BNIPL: variants seen among roughly 807,000 people sequenced by gnomAD.
The protein encoded by BNIPL is BCL2 interacting protein like, also known as bcl-2/adenovirus E1B 19 kDa-interacting protein 2-like protein.
In BNIPL, 33 loss-of-function variants were observed where a neutral mutation model predicts 47.0. The ratio of observed to expected loss-of-function variants is 0.70; its 90% CI spans 0.53 to 0.94. The LOEUF (loss-of-function observed/expected upper bound fraction) is 0.94, where lower values mean the gene tolerates loss of function less well. BNIPL is among the 40% of genes least tolerant of loss of function. The probability of loss-of-function intolerance (pLI) is 0.00; values close to 1 mark genes in which losing one functional copy is unlikely to be tolerated. For missense variants in BNIPL, 404 were observed against 445.2 expected, an observed-to-expected ratio of 0.91 and a Z score of 0.83; for synonymous variants, 145 against 162.7, an observed-to-expected ratio of 0.89 and a Z score of 0.83.
rs756524649 is a variant in BNIPL at position 151,038,958 on chromosome 1, A to C, written c.365A>C (p.Glu122Ala). Residue 122 changes from glutamate (E) to alanine (A), a missense_variant, in exon 4 of 10, where the codon GAG becomes GCG. By Grantham distance (107) the Glu-to-Ala change is moderately radical. Transcript: ENST00000368931. ...PSSPDGSSDLEIDELETPSDS... is the reference protein window; with the variant it reads ...PSSPDGSSDLAIDELETPSDS... ...TCTCCTGATGGCAGTTCTGACCTGG[A>C]GATAGACGAATTGGAGACACCTTCA... 7.4e-6 allele frequency: 12 copies of C among 1,612,822 alleles called. No individual in the cohort carries two copies. The East Asian group carries it at 2.7e-4, about 36-fold the overall frequency.
At chr1:151,045,266 CAAAAAAA>C (rs35529687) in intron 7 of BNIPL, among the ~76,000 whole-genome samples, 9,006 of 52,742 alleles carry the variant, frequency 0.17, 486 homozygotes, top group African/African-American at 0.3. Context: ...GATTCCATCT[CAAAAAAA>C]AAAAAAAAAA....
At chr1:151,042,834 A>AT in intron 4 of BNIPL, 122 bp from the exon 5 acceptor site, 1 of 861,874 alleles carries the variant, frequency 1.2e-6, no homozygotes, top group Non-Finnish European at 1.7e-6. Flanking sequence ...AAAAAAAAAA[A>AT]GAATCAAGGA....
In BNIPL at chr1:151,038,923, T is replaced by C; in HGVS notation, c.330T>C (p.Ser110=). 6.2e-7 allele frequency: 1 copy of C among 1,614,044 alleles called. No individual in the cohort carries two copies. The highest frequency in any genetic ancestry group is 8.5e-7 in the Non-Finnish European group (1 of 1,179,970). The part of the protein sequence containing the change: ...PGNDGASPTQ[S]APSSPDGSSD... ...ATGATGGAGCTTCACCCACCCAGTC[T>C]GCACCTTCCTCTCCTGATGGCAGTT... Residue 110 remains serine (S), a synonymous_variant, in exon 4 of 10, where the codon TCT becomes TCC. Coordinates refer to ENST00000368931, the MANE Select transcript of BNIPL (RefSeq NM_138278.4).
rs762160859 is a variant in BNIPL at position 151,045,867 on chromosome 1, C to T, written c.922C>T (p.Leu308Phe). ...GTATGTGAAAGCATTTCTGGCACTG[C>T]TTCGGCCCTTCATCAGGTACTAGTT... ...TWYVKAFLAL[L>F]RPFISSKFTR... The change falls in exon 8 of 10, where the codon CTT (leucine) becomes TTT (phenylalanine). Residue 308 changes from leucine (L) to phenylalanine (F), a missense_variant. Leu to Phe is a conservative substitution (Grantham distance 22). Coordinates refer to ENST00000368931, the MANE Select transcript of BNIPL (RefSeq NM_138278.4). 2.5e-6 allele frequency: 4 copies of T among 1,614,200 alleles called. No individual in the cohort carries two copies. The highest frequency in any genetic ancestry group is 3.4e-6 in the Non-Finnish European group (4 of 1,180,034).
chr1:151,045,602 G>A, intron 7 of BNIPL, 195 bp from the exon 8 acceptor site: 2 of 571,458 alleles, frequency 3.5e-6, no homozygotes, highest in South Asian at 6.9e-5. Flanking sequence ...TTTTAAAAAT[G>A]AGGATCATGG....
In BNIPL at chr1:151,041,838, G is replaced by A. The variant is rs587752290; in HGVS notation, c.434-1118G>A. On this transcript the variant is annotated intron_variant, in intron 4 of 9. Transcript: ENST00000368931. ...AAAATACAAAAAATTCGCCACACAT[G>A]GGGGCGTGCACCTGTAGTACCAGCT... Among the ~76,000 whole-genome samples the A allele has an allele frequency of 2.8e-3, 426 of 152,054 alleles. 1 individual carries two copies. The highest frequency in any genetic ancestry group is 4.3e-3 in the Admixed American group (65 of 15,276).
intron 2 of BNIPL, among the ~76,000 whole-genome samples, chr1:151,037,918 T>G (rs1675677479): frequency 6.9e-6 from 1 of 144,412 alleles, no homozygotes; most frequent in Admixed American, 7.1e-5. Context: ...GAGAATCACT[T>G]GAACCTGGGA....
At chr1:151,045,583 T>C (rs762014156) in intron 7 of BNIPL, 1 of 667,094 alleles carries the variant, frequency 1.5e-6, no homozygotes, top group Non-Finnish European at 2.2e-6. Flanking sequence ...AAAAAAATCT[T>C]GAGAGTTTTT....
At position 151,046,786 on chromosome 1, in the gene BNIPL, C is replaced by A; in HGVS notation, c.*99C>A. Reference sequence around the variant, plus strand: ...GTTTTGTAAATCATCTTATCCCCAACCTCAGTACCACCGGATCTTCACTTC... The same window carrying A: ...GTTTTGTAAATCATCTTATCCCCAAACTCAGTACCACCGGATCTTCACTTC... On this transcript the variant is annotated 3_prime_UTR_variant, in exon 10 of 10. Coordinates refer to ENST00000368931, the MANE Select transcript of BNIPL (RefSeq NM_138278.4). 1.1e-6 allele frequency: 1 copy of A among 946,372 alleles called. No individual in the cohort carries two copies. The highest frequency in any genetic ancestry group is 1.6e-6 in the Non-Finnish European group (1 of 632,446). The allele number at this position is 946,372 out of a possible 1,614,324, so 58.6% of individuals were successfully genotyped here.
chr1:151,046,459 G>A (rs959541137), intron 9 of BNIPL, among the ~76,000 whole-genome samples, 192 bp from the exon 10 acceptor site: 2 of 149,286 alleles, frequency 1.3e-5, no homozygotes, highest in African/African-American at 5.2e-5. Context: ...TAGAAATTAG[G>A]AAGAGATGTG....
chr1:151,037,770 G>T (rs1246438339), intron 2 of BNIPL, 108 bp downstream of exon 2: 11 of 893,972 alleles, frequency 1.2e-5, no homozygotes, highest in Admixed American at 2.2e-5. Flanking sequence ...GGTGGCCGAG[G>T]CGGGTGGATC....
Position 151,047,601 on chromosome 1 carries a change from A to G in BNIPL, c.*914A>G, listed in dbSNP as rs968168525. 1.8e-6 allele frequency: 1 copy of G among 557,640 alleles called. No homozygotes were observed. Among genetic ancestry groups the G allele is most frequent in the African/African-American group, 1.9e-5 (1 of 51,822 alleles). The allele number at this position is 557,640 out of a possible 1,614,324, so 34.5% of individuals were successfully genotyped here. ...GAGACATTTAAGCTCTGCTCCAAAG[A>G]AGTGAACGACTCTTTCACCACCCCT... On this transcript the variant is annotated 3_prime_UTR_variant, in exon 10 of 10. Transcript: ENST00000368931.
chr1:151,043,159 G>T (rs762337928), intron 5 of BNIPL, 21 bp downstream of exon 5: 1 of 1,601,226 alleles, frequency 6.2e-7, no homozygotes, highest in South Asian at 1.1e-5. Flanking sequence ...GCATAATGCA[G>T]GTGTTAAGAG....
At chr1:151,041,127 G>A (rs1308067970) in intron 4 of BNIPL, among the ~76,000 whole-genome samples, 2 of 152,046 alleles carry the variant, frequency 1.3e-5, no homozygotes, top group African/African-American at 4.8e-5. Context: ...AGAGGTTGTA[G>A]TGAGCCAAGA....
At chr1:151,042,823 G>GAAA (rs5777753) in intron 4 of BNIPL, 133 bp from the exon 5 acceptor site, 80 of 568,996 alleles carry the variant, frequency 1.4e-4, no homozygotes, top group East Asian at 7.1e-4. Context: ...CAAAAAAAAG[G>GAAA]AAAAAAAAAA....
Position 151,046,659 on chromosome 1 carries a change from G to A in BNIPL, c.1046G>A (p.Arg349Gln), listed in dbSNP as rs747904576. Residue 349 changes from arginine to glutamine, a missense_variant, in exon 10 of 10, where the codon CGG (arginine) becomes CAG (glutamine). By Grantham distance (43) the Arg-to-Gln change is conservative. Coordinates refer to ENST00000368931, the MANE Select transcript of BNIPL (RefSeq NM_138278.4). ...CCCTCTCCCTCTCCTAGGCTGGACC[G>A]GGATCTCCATGGCTCAGGAGGGACA... ...HIPEAVRQLD[R>Q]DLHGSGGT 11 of 1,603,020 alleles carry A rather than the reference G, an allele frequency of 6.9e-6. No homozygotes were observed. The highest frequency in any genetic ancestry group is 9.4e-6 in the Non-Finnish European group (11 of 1,173,440).
intron 1 of BNIPL, chr1:151,037,360 A>G (rs911474439): frequency 1.8e-5 from 23 of 1,296,590 alleles, no homozygotes; most frequent in Non-Finnish European, 2.0e-5. Flanking sequence ...TTTACATTCC[A>G]TCTTTCGTCT....
At chr1:151,040,672 G>C (rs1409929830) in intron 4 of BNIPL, among the ~76,000 whole-genome samples, 1 of 151,900 alleles carries the variant, frequency 6.6e-6, no homozygotes, top group African/African-American at 2.4e-5. Context: ...GCACACACCT[G>C]TAATCCCAGC....
intron 7 of BNIPL, among the ~76,000 whole-genome samples, chr1:151,044,047 C>T (rs900003209): frequency 6.6e-6 from 1 of 152,130 alleles, no homozygotes; most frequent in Admixed American, 6.5e-5. Context: ...TGCAGTGGCA[C>T]GATCTCGGCT....
Sources: gnomAD v4.1 joint callset for allele counts (sites outside exome capture counted in the v4.1 genomes callset) on GRCh38, gnomAD v4.1.1 for gene constraint, MANE v1.5 for transcripts, NCBI Gene and HGNC (gene_info 2026-07-23, HGNC 2026-07-21) for gene names.